NOSTRIN: variants seen among roughly 807,000 people sequenced by gnomAD.
NOSTRIN encodes the protein nitric oxide synthase trafficking.
A neutral mutation model predicts 59.0 loss-of-function variants in NOSTRIN; 63 were observed. That is an observed-to-expected ratio of 1.07 (90% CI 0.87 to 1.32). NOSTRIN has a LOEUF of 1.32. Among genes scored for constraint, NOSTRIN ranks in the 40% most tolerant of loss-of-function variants. The pLI, the probability that NOSTRIN is intolerant of heterozygous loss-of-function variation, is 0.00. For synonymous variants in NOSTRIN, 200 were observed against 165.4 expected (o/e 1.21, Z -1.61); for missense variants, 512 against 473.1 (o/e 1.08, Z -0.76).
intron 1 of NOSTRIN, 61 bp from the exon 2 acceptor site, chr2:168,811,506 C>G (rs868320029): frequency 1.5e-6 from 1 of 647,336 alleles, no homozygotes; most frequent in South Asian, 2.0e-5. Flanking sequence ...GGTGCTCTAT[C>G]TTCGGAGTTG....
chr2:168,863,823 C>A (rs1297535418), intron 15 of NOSTRIN, among the ~76,000 whole-genome samples: 1 of 152,100 alleles, frequency 6.6e-6, no homozygotes, highest in East Asian at 1.9e-4. Flanking sequence ...AGTACGGACA[C>A]CAAGAAAGAG....
At chr2:168,793,890 G>A (rs1450883075), upstream of NOSTRIN, among the ~76,000 whole-genome samples, 4 of 152,296 alleles carry the variant, frequency 2.6e-5, no homozygotes, top group East Asian at 5.8e-4. Flanking sequence ...TGCATATCAA[G>A]TGTCAGCAAG....
intron 8 of NOSTRIN, among the ~76,000 whole-genome samples, chr2:168,850,279 TA>T (rs1416470428): frequency 6.6e-6 from 1 of 152,174 alleles, no homozygotes; most frequent in East Asian, 1.9e-4. Context: ...CCTTCCTACC[TA>T]AAAGTCATAA....
chr2:168,815,946 T>G (rs952784752), intron 2 of NOSTRIN, among the ~76,000 whole-genome samples: 5 of 152,194 alleles, frequency 3.3e-5, no homozygotes, highest in Non-Finnish European at 5.9e-5. Context: ...TCTGTCCATC[T>G]CAACTCATGA....
chr2:168,790,695 A>G (rs1412930290), intron 2 of NOSTRIN, among the ~76,000 whole-genome samples: 2 of 152,252 alleles, frequency 1.3e-5, no homozygotes, highest in Non-Finnish European at 2.9e-5. Flanking sequence ...ACTGAATGCC[A>G]GGCACAATAC....
chr2:168,839,635 C>CG (rs1559127156), intron 7 of NOSTRIN, among the ~76,000 whole-genome samples: 1 of 151,944 alleles, frequency 6.6e-6, no homozygotes, highest in African/African-American at 2.4e-5. Flanking sequence ...AGTCTACAGC[C>CG]GGGCGCAGTG....
chr2:168,864,769 T>C, intron 15 of NOSTRIN, 65 bp from the exon 16 acceptor site: 2 of 1,579,790 alleles, frequency 1.3e-6, no homozygotes. Context: ...TTAAAACTCT[T>C]ATCAATCGGG....
Position 168,843,118 on chromosome 2 carries a change from G to T in NOSTRIN, c.630+1G>T. On this transcript the variant is annotated splice_donor_variant, in intron 8 of 15. Transcript: ENST00000317647. LOFTEE classifies it high-confidence loss of function. ...AAACACACTAGAGAACTGCTACCAG[G>T]TAAGTTATATATTCACATTTTTTTC... 1 of 868,662 alleles carries T rather than the reference G, an allele frequency of 1.2e-6. No individual in the cohort carries two copies. The highest frequency in any genetic ancestry group is 1.3e-5 in the South Asian group (1 of 75,668). The allele number at this position is 868,662 out of a possible 1,614,324, so 53.8% of individuals were successfully genotyped here.
intron 15 of NOSTRIN, 32 bp from the exon 16 acceptor site, chr2:168,864,802 A>C (rs750550170): frequency 6.2e-7 from 1 of 1,612,754 alleles, no homozygotes; most frequent in Non-Finnish European, 8.5e-7. Context: ...TTCACATCAC[A>C]GAGACCCATT....
intron 7 of NOSTRIN, among the ~76,000 whole-genome samples, 186 bp downstream of exon 7, chr2:168,834,511 A>ACACACACGTG (rs772551514): frequency 7.7e-6 from 1 of 129,394 alleles, no homozygotes; most frequent in Non-Finnish European, 1.7e-5. Flanking sequence ...GCGCGCGCAC[A>ACACACACGTG]CACACACACA....
chr2:168,794,572 T>C (rs1474643398), upstream of NOSTRIN, among the ~76,000 whole-genome samples: 1 of 151,990 alleles, frequency 6.6e-6, no homozygotes, highest in Non-Finnish European at 1.5e-5. Flanking sequence ...AGGATGGTCT[T>C]GATCTCCTGA....
At chr2:168,825,290 C>T (rs1317673593) in intron 3 of NOSTRIN, among the ~76,000 whole-genome samples, 1 of 152,150 alleles carries the variant, frequency 6.6e-6, no homozygotes, top group Non-Finnish European at 1.5e-5. Flanking sequence ...AAGATACTTC[C>T]CCCAATCACC....
At chr2:168,863,777 C>A in intron 15 of NOSTRIN, 1 of 445,672 alleles carries the variant, frequency 2.2e-6, no homozygotes, top group Non-Finnish European at 3.0e-6. Context: ...GCCAACACGC[C>A]AAACAATCAA....
chr2:168,855,227 C>T lies in NOSTRIN; in HGVS notation c.856-125C>T, dbSNP rs1689008647. The T allele has an allele frequency of 5.8e-6, 3 of 515,038 alleles. No individual in the cohort carries two copies. In the Admixed American group the frequency reaches 1.1e-4, roughly 19 times the overall value. The allele number at this position is 515,038 out of a possible 1,614,324, so 31.9% of individuals were successfully genotyped here. A position where few individuals can be genotyped will look rare whatever the true frequency, so the allele number is the denominator to read the frequency against. On this transcript the variant is annotated intron_variant, in intron 10 of 15. Transcript: ENST00000317647. ...GTGTGTAAAACTAAAGATTATCCTG[C>T]TTAAAAATTTTGTTTTATTTTATAA... is the stretch of plus-strand genomic sequence containing the variant.
chr2:168,823,466 T>C (rs537496958), intron 2 of NOSTRIN, among the ~76,000 whole-genome samples: 54 of 152,336 alleles, frequency 3.5e-4, no homozygotes, highest in African/African-American at 1.3e-3. Flanking sequence ...GCCTCTGTCC[T>C]GGCTCCTGAT....
chr2:168,791,442 A>G (rs1250426530), intron 2 of NOSTRIN, among the ~76,000 whole-genome samples: 5 of 152,176 alleles, frequency 3.3e-5, no homozygotes, highest in Admixed American at 6.5e-5. Context: ...GAATAGTGCC[A>G]CAATAAACAT....
At chr2:168,855,993 C>G in intron 11 of NOSTRIN, 1 of 404,944 alleles carries the variant, frequency 2.5e-6, no homozygotes, top group Non-Finnish European at 4.8e-6. Context: ...TTATATGGAC[C>G]ACGATAACTC....
intron 8 of NOSTRIN, among the ~76,000 whole-genome samples, chr2:168,850,396 A>T (rs1422871522): frequency 1.3e-5 from 2 of 152,134 alleles, no homozygotes; most frequent in Non-Finnish European, 2.9e-5. Flanking sequence ...CAGAATTATA[A>T]ATTGGTCAGA....
intron 6 of NOSTRIN, among the ~76,000 whole-genome samples, chr2:168,833,580 A>G (rs1687495068): frequency 6.6e-6 from 1 of 152,210 alleles, no homozygotes; most frequent in Non-Finnish European, 1.5e-5. Flanking sequence ...AAATTCAACC[A>G]TGTAGACTAG....
Sources: gnomAD v4.1 joint callset for allele counts (sites outside exome capture counted in the v4.1 genomes callset) on GRCh38, gnomAD v4.1.1 for gene constraint, MANE v1.5 for transcripts, NCBI Gene and HGNC (gene_info 2026-07-23, HGNC 2026-07-21) for gene names.